TRABD2B: variants seen among roughly 807,000 people sequenced by gnomAD.
The protein encoded by TRABD2B is metalloprotease TIKI2.
TRABD2B carries 14 observed loss-of-function variants against 40.1 expected under a neutral mutation model. That is an observed-to-expected ratio of 0.35 (90% CI 0.23 to 0.55). The LOEUF (loss-of-function observed/expected upper bound fraction) is 0.55, where lower values mean the gene tolerates loss of function less well. Among genes scored for constraint, TRABD2B ranks in the 20% least tolerant of loss-of-function variants. TRABD2B has a pLI of 0.90. For synonymous variants in TRABD2B, 263 were observed against 277.0 expected, an observed-to-expected ratio of 0.95 and a Z score of 0.50; for missense variants, 541 against 648.6, an observed-to-expected ratio of 0.83 and a Z score of 1.80.
At position 47,840,211 on chromosome 1, in the gene TRABD2B, G is replaced by A. The variant is rs74910734; in HGVS notation, c.667-38592C>T. 6.1e-3 allele frequency among the ~76,000 whole-genome samples: 922 copies of A among 152,242 alleles called. 14 individuals carry two copies. Among genetic ancestry groups the A allele is most frequent in the African/African-American group, 0.021 (856 of 41,530 alleles). ...GGGAAGTTAAGCACGCTCACTCCAG[G>A]GCCGTCCTTTCCTCAGTCAACAACT... is the stretch of plus-strand genomic sequence containing the variant. On this transcript the variant is annotated intron_variant, in intron 2 of 6. Coordinates refer to ENST00000606738, the MANE Select transcript of TRABD2B (RefSeq NM_001194986.2).
At position 47,990,769 on chromosome 1, in the gene TRABD2B, TTTTATA is replaced by T. The variant is rs200291464; in HGVS notation, c.666+3259_666+3264del. ...CAAGTTGTTGGTTTTAAAACGTTGG[TTTTATA>T]TATATATATATATATATATATATAT... On this transcript the variant is annotated intron_variant, in intron 2 of 6. Transcript: ENST00000606738. Among the ~76,000 whole-genome samples the T allele has an allele frequency of 8.2e-4, 53 of 64,272 alleles. 7 individuals are homozygous for T. Among genetic ancestry groups the T allele is most frequent in the South Asian group, 1.6e-3 (3 of 1,896 alleles). 42.2% of individuals were successfully genotyped at this position (64,272 alleles called of 152,430 possible). A position where few individuals can be genotyped will look rare whatever the true frequency, so the allele number is the denominator to read the frequency against.
chr1:47,866,581 C>T (rs923935177), intron 2 of TRABD2B, among the ~76,000 whole-genome samples: 3 of 152,180 alleles, frequency 2.0e-5, no homozygotes, highest in African/African-American at 7.2e-5. Flanking sequence ...TGTTTGCCAA[C>T]CCTACTATCA....
chr1:47,959,626 T>C (rs914925306), intron 2 of TRABD2B, among the ~76,000 whole-genome samples: 18 of 152,164 alleles, frequency 1.2e-4, no homozygotes, highest in Non-Finnish European at 1.5e-5. Flanking sequence ...AATGGATAAA[T>C]TCCTGGACAC....
Position 47,813,831 on chromosome 1 carries a change from A to G in TRABD2B, c.667-12212T>C, listed in dbSNP as rs1026345634. 1.3e-5 allele frequency among the ~76,000 whole-genome samples: 2 copies of G among 152,298 alleles called. No homozygotes were observed. Among genetic ancestry groups the G allele is most frequent in the South Asian group, 2.1e-4 (1 of 4,824 alleles). On this transcript the variant is annotated intron_variant, in intron 2 of 6. Transcript: ENST00000606738. This position sits in a 1 kb window ranked among gnomAD's most constrained non-coding sequence, Gnocchi z 4.3. ...TTCCGTTCTCTCTTCAGTCTTCAGTATGGACTAGTGCTAGGCTCTGTGCTG... is the reference window on the plus strand; with the variant it reads ...TTCCGTTCTCTCTTCAGTCTTCAGTGTGGACTAGTGCTAGGCTCTGTGCTG...
chr1:47,823,644 A>G (rs987369954), intron 2 of TRABD2B, among the ~76,000 whole-genome samples: 12 of 152,174 alleles, frequency 7.9e-5, no homozygotes, highest in African/African-American at 2.9e-4. Flanking sequence ...CATCCTTGCT[A>G]CAGACTGAGA....
At chr1:47,822,200 G>A (rs563941197) in intron 2 of TRABD2B, among the ~76,000 whole-genome samples, 11 of 151,904 alleles carry the variant, frequency 7.2e-5, no homozygotes, top group African/African-American at 2.4e-4. Flanking sequence ...TGGAGATTCA[G>A]CTCACCCCCG....
At chr1:47,884,073 T>C (rs1045301467) in intron 2 of TRABD2B, among the ~76,000 whole-genome samples, 1 of 152,186 alleles carries the variant, frequency 6.6e-6, no homozygotes, top group Non-Finnish European at 1.5e-5. Flanking sequence ...TTGTGACAGT[T>C]AAATAATGGG....
intron 2 of TRABD2B, among the ~76,000 whole-genome samples, chr1:47,856,068 T>C (rs368101309): frequency 1.2e-3 from 180 of 152,354 alleles, no homozygotes; most frequent in African/African-American, 3.8e-3. Flanking sequence ...CCATTTTCCC[T>C]GGAAGGATGG....
At chr1:47,869,867 C>T (rs1644116150) in intron 2 of TRABD2B, among the ~76,000 whole-genome samples, 1 of 152,096 alleles carries the variant, frequency 6.6e-6, no homozygotes, top group East Asian at 1.9e-4. Context: ...GGCTGGGTCC[C>T]AGCAGTTGTG....
intron 2 of TRABD2B, among the ~76,000 whole-genome samples, chr1:47,929,826 TC>T (rs1379177271): frequency 1.3e-5 from 2 of 152,150 alleles, no homozygotes; most frequent in African/African-American, 4.8e-5. Context: ...CCTCTTCACC[TC>T]CAGGCTTTCC....
At position 47,996,526 on chromosome 1, in the gene TRABD2B, C is replaced by T. The variant is rs1172175891; in HGVS notation, c.102+162G>A. 6.6e-6 allele frequency among the ~76,000 whole-genome samples: 1 copy of T among 152,082 alleles called. No individual in the cohort carries two copies. Among genetic ancestry groups the T allele is most frequent in the African/African-American group, 2.4e-5 (1 of 41,438 alleles). On this transcript the variant is annotated intron_variant, in intron 1 of 6. Coordinates refer to ENST00000606738, the MANE Select transcript of TRABD2B (RefSeq NM_001194986.2). This position sits in a 1 kb window ranked among gnomAD's most constrained non-coding sequence, Gnocchi z 4.6. ...CTCGCTCCTGGCTGGGAGCTGGAGC[C>T]GGGACAGGCAGGAGCGAAGGAAGGG...
intron 2 of TRABD2B, among the ~76,000 whole-genome samples, chr1:47,848,842 G>C (rs1645508016): frequency 2.0e-5 from 3 of 152,216 alleles, no homozygotes; most frequent in African/African-American, 7.2e-5. Flanking sequence ...GTCCCCAGGA[G>C]AAAAGAAAAG....
chr1:47,850,081 T>A lies in TRABD2B; in HGVS notation c.667-48462A>T, dbSNP rs554163466. Among the ~76,000 whole-genome samples, 185 of 152,312 alleles carry A rather than the reference T, an allele frequency of 1.2e-3. 1 individual carries two copies. Among genetic ancestry groups the A allele is most frequent in the African/African-American group, 4.2e-3 (176 of 41,572 alleles). ...ACAAAAGAAAATCTATTTCCCACCC[T>A]CAGCTGGGAGGTGGCTGGACCACAG... On this transcript the variant is annotated intron_variant, in intron 2 of 6. Transcript: ENST00000606738.
intron 6 of TRABD2B, 132 bp downstream of exon 6, chr1:47,775,038 G>A (rs1569891322): frequency 1.1e-6 from 1 of 885,298 alleles, no homozygotes; most frequent in Non-Finnish European, 1.5e-6. Flanking sequence ...ACGTGCTGTA[G>A]AAAGCCACCT....
At chr1:47,931,721 G>A (rs181350304) in intron 2 of TRABD2B, among the ~76,000 whole-genome samples, 12 of 152,228 alleles carry the variant, frequency 7.9e-5, no homozygotes, top group Admixed American at 2.0e-4. Context: ...CCTAATACCC[G>A]AGTGAACTCT....
intron 2 of TRABD2B, among the ~76,000 whole-genome samples, chr1:47,965,211 T>TGGGGGGGGG (rs1645582527): frequency 1.0e-4 from 1 of 9,892 alleles, no homozygotes; most frequent in African/African-American, 5.0e-4. Context: ...CGGGGGGGGG[T>TGGGGGGGGG]GGAGGGGGGG....
At position 47,996,707 on chromosome 1, in the gene TRABD2B, T is replaced by C. The variant is rs976398689; in HGVS notation, c.83A>G (p.Gln28Arg). The C allele has an allele frequency of 3.3e-6, 4 of 1,228,736 alleles. No homozygotes were observed. The highest frequency in any genetic ancestry group is 1.6e-5 in the African/African-American group (1 of 64,270). 76.1% of individuals were successfully genotyped at this position (1,228,736 alleles called of 1,614,324 possible). ...GCTCACCGATCCGGGCGGCCGGCACTGTCCTCCGTCCGGGGGCTGCGGGCG... is the reference window on the plus strand; with the variant it reads ...GCTCACCGATCCGGGCGGCCGGCACCGTCCTCCGTCCGGGGGCTGCGGGCG... ...RARPQPPDGGQCRPPGSQRDL... is the reference protein window; with the variant it reads ...RARPQPPDGGRCRPPGSQRDL... Residue 28 changes from glutamine to arginine, a missense_variant, in exon 1 of 7, where the codon CAG (glutamine) becomes CGG (arginine). Gln to Arg is a conservative substitution (Grantham distance 43). Transcript: ENST00000606738. The surrounding 1 kb of genome is among the most constrained non-coding windows in gnomAD (Gnocchi z 4.6).
At chr1:47,977,337 T>C (rs1369801642) in intron 2 of TRABD2B, among the ~76,000 whole-genome samples, 3 of 152,170 alleles carry the variant, frequency 2.0e-5, no homozygotes, top group Non-Finnish European at 4.4e-5. Flanking sequence ...TTCCCAAGGT[T>C]CTGGAATAAC....
At position 47,996,672 on chromosome 1, in the gene TRABD2B, G is replaced by A. The variant is rs1021138242; in HGVS notation, c.102+16C>T. On this transcript the variant is annotated intron_variant, in intron 1 of 6. Transcript: ENST00000606738. This position sits in a 1 kb window ranked among gnomAD's most constrained non-coding sequence, Gnocchi z 4.6. ...CCCAGGCAGGCGGGAGAGTGGCCGG[G>A]CAGGCGCTCGCTCACCGATCCGGGC... The A allele has an allele frequency of 7.3e-6, 9 of 1,228,790 alleles. No individual in the cohort carries two copies. The highest frequency in any genetic ancestry group is 1.6e-5 in the African/African-American group (1 of 64,204). The allele number at this position is 1,228,790 out of a possible 1,614,324, so 76.1% of individuals were successfully genotyped here. A position where few individuals can be genotyped will look rare whatever the true frequency, so the allele number is the denominator to read the frequency against.
Sources: allele counts gnomAD v4.1 joint callset (sites outside exome capture counted in the v4.1 genomes callset), GRCh38; gene constraint gnomAD v4.1.1; non-coding constraint Gnocchi (gnomAD v3.1); transcripts MANE v1.5; gene names NCBI Gene and HGNC (gene_info 2026-07-23, HGNC 2026-07-21).